LRRC8D: variants seen among roughly 807,000 people sequenced by gnomAD.
LRRC8D encodes the protein volume-regulated anion channel subunit LRRC8D.
A neutral mutation model predicts 55.8 loss-of-function variants in LRRC8D; 20 were observed. The observed-to-expected ratio is 0.36, with a 90% CI of 0.25 to 0.52. The LOEUF (loss-of-function observed/expected upper bound fraction) is 0.52, where lower values mean the gene tolerates loss of function less well. Among genes scored for constraint, LRRC8D ranks in the 20% least tolerant of loss-of-function variants. The probability of loss-of-function intolerance (pLI) is 0.93; values close to 1 mark genes in which losing one functional copy is unlikely to be tolerated. For synonymous variants in LRRC8D, 352 were observed against 377.0 expected, an observed-to-expected ratio of 0.93 and a Z score of 0.77; for missense variants, 651 against 1,030.8, an observed-to-expected ratio of 0.63 and a Z score of 5.05.
intron 2 of LRRC8D, among the ~76,000 whole-genome samples, chr1:89,889,917 G>A (rs1662521357): frequency 6.7e-6 from 1 of 150,318 alleles, no homozygotes; most frequent in African/African-American, 2.4e-5. Context: ...GCCGGATGCG[G>A]TGGCTCATGC....
At chr1:89,830,411 C>T (rs1660859379) in intron 1 of LRRC8D, among the ~76,000 whole-genome samples, 1 of 152,126 alleles carries the variant, frequency 6.6e-6, no homozygotes, top group Admixed American at 6.5e-5. Flanking sequence ...TTTTCAATTC[C>T]AAAATAGTTT....
chr1:89,867,268 A>T (rs963742818), intron 2 of LRRC8D, among the ~76,000 whole-genome samples: 1 of 152,230 alleles, frequency 6.6e-6, no homozygotes, highest in Non-Finnish European at 1.5e-5. Context: ...ATACTTTTTC[A>T]TAAATTATGT....
chr1:89,881,542 A>C (rs1362252124), intron 2 of LRRC8D, among the ~76,000 whole-genome samples: 1 of 152,150 alleles, frequency 6.6e-6, no homozygotes, highest in Non-Finnish European at 1.5e-5. Context: ...GAGTAGGTGG[A>C]GATTTGGACT....
intron 2 of LRRC8D, among the ~76,000 whole-genome samples, chr1:89,864,835 T>C (rs1257158670): frequency 1.3e-5 from 2 of 152,176 alleles, no homozygotes. Flanking sequence ...AAAAAACTTC[T>C]TCCTGTACTT....
At chr1:89,900,369 T>G (rs532114387) in intron 2 of LRRC8D, among the ~76,000 whole-genome samples, 3 of 152,134 alleles carry the variant, frequency 2.0e-5, no homozygotes, top group Admixed American at 2.0e-4. Context: ...CAAGGAAGAT[T>G]CAGAAGGTAA....
intron 2 of LRRC8D, among the ~76,000 whole-genome samples, chr1:89,869,568 A>G (rs1661943240): frequency 6.6e-6 from 1 of 152,224 alleles, no homozygotes; most frequent in Non-Finnish European, 1.5e-5. Context: ...TCCCCAACCT[A>G]GCAAGACATG....
intron 2 of LRRC8D, among the ~76,000 whole-genome samples, chr1:89,906,830 G>A (rs1663006856): frequency 1.3e-5 from 2 of 151,868 alleles, no homozygotes; most frequent in African/African-American, 4.8e-5. Flanking sequence ...AGTCATCTCA[G>A]CTCAGCCTTG....
intron 2 of LRRC8D, among the ~76,000 whole-genome samples, chr1:89,878,262 A>G (rs1048340965): frequency 2.0e-5 from 3 of 152,208 alleles, no homozygotes; most frequent in African/African-American, 7.2e-5. Flanking sequence ...AATACTTTAT[A>G]GTGCCTAGAT....
At chr1:89,894,529 A>G (rs1662659235) in intron 2 of LRRC8D, among the ~76,000 whole-genome samples, 1 of 152,188 alleles carries the variant, frequency 6.6e-6, no homozygotes. Flanking sequence ...CAATTTAGGG[A>G]GGCAAGCTGA....
intron 2 of LRRC8D, among the ~76,000 whole-genome samples, chr1:89,848,975 C>T (rs978212759): frequency 9.9e-5 from 15 of 152,022 alleles, no homozygotes; most frequent in Non-Finnish European, 1.5e-4. Context: ...TGGGATTACA[C>T]GCATGAGCCA....
intron 1 of LRRC8D, among the ~76,000 whole-genome samples, chr1:89,827,304 C>G (rs928274247): frequency 6.8e-6 from 1 of 146,230 alleles, no homozygotes; most frequent in Non-Finnish European, 1.5e-5. Context: ...GAGCTGAGAT[C>G]GCGCCATTGC....
chr1:89,866,994 A>AT (rs934217165), intron 2 of LRRC8D, among the ~76,000 whole-genome samples: 3 of 152,166 alleles, frequency 2.0e-5, no homozygotes, highest in African/African-American at 7.2e-5. Flanking sequence ...GTATTTGTGT[A>AT]TTTTTTTAAC....
intron 2 of LRRC8D, among the ~76,000 whole-genome samples, chr1:89,930,687 A>G (rs1009664131): frequency 6.6e-6 from 1 of 151,974 alleles, no homozygotes; most frequent in African/African-American, 2.4e-5. Flanking sequence ...GTTCCTTGCC[A>G]GAAATAAACC....
At chr1:89,917,533 G>A (rs1663306037) in intron 2 of LRRC8D, among the ~76,000 whole-genome samples, 2 of 152,010 alleles carry the variant, frequency 1.3e-5, no homozygotes, top group Non-Finnish European at 2.9e-5. Context: ...TCAGTTCTCT[G>A]GTCATTCTTT....
chr1:89,847,500 C>T (rs936022838), intron 2 of LRRC8D, among the ~76,000 whole-genome samples: 2 of 152,040 alleles, frequency 1.3e-5, no homozygotes, highest in African/African-American at 2.4e-5. Flanking sequence ...GTGAACCAGC[C>T]GTGCATCTCT....
At chr1:89,917,384 A>T (rs1235422904) in intron 2 of LRRC8D, among the ~76,000 whole-genome samples, 2 of 152,144 alleles carry the variant, frequency 1.3e-5, no homozygotes, top group Non-Finnish European at 2.9e-5. Flanking sequence ...TTTAATTTTC[A>T]TCAACCTCCA....
chr1:89,901,007 C>G (rs1662835467), intron 2 of LRRC8D, among the ~76,000 whole-genome samples: 1 of 152,196 alleles, frequency 6.6e-6, no homozygotes, highest in Non-Finnish European at 1.5e-5. Flanking sequence ...CAAGTGTACT[C>G]TACAGCATCC....
intron 2 of LRRC8D, among the ~76,000 whole-genome samples, chr1:89,864,996 C>G (rs939221925): frequency 6.6e-6 from 1 of 152,162 alleles, no homozygotes; most frequent in Non-Finnish European, 1.5e-5. Context: ...CTGTCTAACC[C>G]CTAAACTGGA....
chr1:89,894,793 G>A (rs532312217), intron 2 of LRRC8D, among the ~76,000 whole-genome samples: 80 of 152,328 alleles, frequency 5.3e-4, no homozygotes, highest in Non-Finnish European at 1.1e-3. Context: ...TCAAATAGTT[G>A]TTTCTTTCCT....
Sources: gnomAD v4.1 joint callset for allele counts (sites outside exome capture counted in the v4.1 genomes callset) on GRCh38, gnomAD v4.1.1 for gene constraint, MANE v1.5 for transcripts, NCBI Gene and HGNC (gene_info 2026-07-23, HGNC 2026-07-21) for gene names.